FXR1: variants seen among roughly 807,000 people sequenced by gnomAD.
FXR1 encodes RNA-binding protein FXR1.
Under a neutral mutation model 84.0 loss-of-function variants are expected in FXR1, and 15 were observed. The ratio of observed to expected loss-of-function variants is 0.18; its 90% CI spans 0.12 to 0.27. The LOEUF is 0.27. Ranked by LOEUF, FXR1 falls within the 10% of genes least tolerant of loss-of-function variation. The pLI is 1.00. For synonymous variants in FXR1, 245 were observed against 250.7 expected, an observed-to-expected ratio of 0.98 and a Z score of 0.21; for missense variants, 480 against 774.4, an observed-to-expected ratio of 0.62 and a Z score of 4.51.
At chr3:180,972,775 G>T (rs1213277521) in intron 15 of FXR1, among the ~76,000 whole-genome samples, 2 of 152,098 alleles carry the variant, frequency 1.3e-5, no homozygotes, top group Admixed American at 6.5e-5. Flanking sequence ...ACTTCTTTGG[G>T]ATTACTACTT....
chr3:180,954,330 A>G (rs1360661197), intron 9 of FXR1, among the ~76,000 whole-genome samples: 3 of 152,218 alleles, frequency 2.0e-5, no homozygotes, highest in African/African-American at 7.2e-5. Flanking sequence ...AAGGCATAGA[A>G]TAATAAGAAG....
rs1714433887 is a variant in FXR1, at chr3:180,978,512, T to C, written c.*2220T>C. On this transcript the variant is annotated 3_prime_UTR_variant, in exon 17 of 17. Transcript: ENST00000357559. ...ATGTATTTGAGAGGGTTCCGTCTTT[T>C]TGGCTGCTATCCTAGTTAGGTGAGA... 1 of 152,084 alleles carries C rather than the reference T, an allele frequency of 6.6e-6. No homozygotes were observed. Among genetic ancestry groups the C allele is most frequent in the African/African-American group, 2.4e-5 (1 of 41,434 alleles). 9.4% of individuals were successfully genotyped at this position (152,084 alleles called of 1,614,324 possible).
intron 14 of FXR1, among the ~76,000 whole-genome samples, chr3:180,969,332 T>C (rs1713241608): frequency 6.6e-6 from 1 of 152,270 alleles, no homozygotes; most frequent in South Asian, 2.1e-4. Context: ...CTTAGTGTCT[T>C]TTGCAAAGAT....
intron 2 of FXR1, among the ~76,000 whole-genome samples, 184 bp from the exon 3 acceptor site, chr3:180,934,954 T>C (rs955727388): frequency 2.0e-5 from 3 of 152,180 alleles, no homozygotes; most frequent in East Asian, 3.8e-4. Context: ...TATGAACTTA[T>C]TAAGAGTCAT....
chr3:180,934,128 T>C (rs773702752), intron 2 of FXR1, among the ~76,000 whole-genome samples: 29 of 152,184 alleles, frequency 1.9e-4, no homozygotes, highest in East Asian at 3.9e-4. Flanking sequence ...GAGCACTGTT[T>C]AATTGATGGT....
intron 1 of FXR1, among the ~76,000 whole-genome samples, chr3:180,914,241 A>G (rs957883569): frequency 7.9e-5 from 12 of 152,192 alleles, no homozygotes; most frequent in South Asian, 4.1e-4. Flanking sequence ...TTTTGTTGTT[A>G]TTGAAACCTG....
intron 7 of FXR1, among the ~76,000 whole-genome samples, 189 bp from the exon 8 acceptor site, chr3:180,951,109 A>T (rs147439919): frequency 6.6e-6 from 1 of 151,752 alleles, no homozygotes; most frequent in African/African-American, 2.4e-5. Flanking sequence ...TGTATTTCCA[A>T]CTATTCAGGA....
In FXR1 at chr3:180,950,090, C is replaced by G. The variant is rs1805600; in HGVS notation, c.630+747C>G. Among the ~76,000 whole-genome samples the G allele has an allele frequency of 8.3e-3, 1,262 of 152,252 alleles. 25 individuals carry two copies. Among genetic ancestry groups the G allele is most frequent in the African/African-American group, 0.029 (1,197 of 41,548 alleles). On this transcript the variant is annotated intron_variant, in intron 7 of 16. Coordinates refer to ENST00000357559, the MANE Select transcript of FXR1 (RefSeq NM_005087.4). ...AAATATTAAGCTTATCATTATATCT[C>G]TGTCTTATCCTAAGGTACTCTGTTT...
At chr3:180,936,073 G>A (rs977713105) in intron 3 of FXR1, among the ~76,000 whole-genome samples, 2 of 151,884 alleles carry the variant, frequency 1.3e-5, no homozygotes, top group African/African-American at 4.8e-5. Context: ...TGTATTGTTA[G>A]TAGAGACGGG....
At chr3:180,938,265 C>T (rs1720744597) in intron 3 of FXR1, among the ~76,000 whole-genome samples, 1 of 152,128 alleles carries the variant, frequency 6.6e-6, no homozygotes, top group South Asian at 2.1e-4. Context: ...TTTCATCCTC[C>T]AAAAATGTCT....
intron 16 of FXR1, among the ~76,000 whole-genome samples, chr3:180,975,617 A>G (rs1479101887): frequency 6.6e-6 from 1 of 152,228 alleles, no homozygotes; most frequent in Non-Finnish European, 1.5e-5. Flanking sequence ...TTCAAATAGC[A>G]TTTATAAAAT....
intron 1 of FXR1, among the ~76,000 whole-genome samples, chr3:180,918,741 A>G (rs1184036372): frequency 6.6e-6 from 1 of 152,178 alleles, no homozygotes; most frequent in Non-Finnish European, 1.5e-5. Flanking sequence ...AATCTTTGCT[A>G]GTTTCTGTTG....
Position 180,979,540 on chromosome 3 carries a change from G to C in FXR1, c.*3248G>C, listed in dbSNP as rs1397708405. 1 of 151,840 alleles carries C rather than the reference G, an allele frequency of 6.6e-6. No individual in the cohort carries two copies. The highest frequency in any genetic ancestry group is 1.5e-5 in the Non-Finnish European group (1 of 67,914). 9.4% of individuals were successfully genotyped at this position (151,840 alleles called of 1,614,324 possible). On this transcript the variant is annotated 3_prime_UTR_variant, in exon 17 of 17. Transcript: ENST00000357559. ...AATATCTGTCTGCTATAGTGAATTTGCTAGCCCCTTATTTTTTTTTTTAAT... is the reference window on the plus strand; with the variant it reads ...AATATCTGTCTGCTATAGTGAATTTCCTAGCCCCTTATTTTTTTTTTTAAT...
chr3:180,963,136 G>A (rs990872946), intron 13 of FXR1, 46 bp downstream of exon 13: 30 of 755,424 alleles, frequency 4.0e-5, no homozygotes, highest in Non-Finnish European at 5.6e-5. Flanking sequence ...AGTAATAATA[G>A]TAGTTATAGT....
At chr3:180,948,896 C>T in intron 6 of FXR1, 82 bp downstream of exon 6, 1 of 755,998 alleles carries the variant, frequency 1.3e-6, no homozygotes. Flanking sequence ...AAGAGAAAAG[C>T]TAAGATCAAC....
Position 180,948,437 on chromosome 3 carries a change from G to A in FXR1, c.361G>A (p.Val121Ile). ...TCGGCCTGTCAATCAAAATAAAACT[G>A]TCAAAAAAAATACCTTCTTTAAATG... ...RLRPVNQNKT[V>I]KKNTFFKCTV... Residue 121 changes from valine to isoleucine, a missense_variant, in exon 5 of 17, where the codon GTC becomes ATC. By Grantham distance (29) the Val-to-Ile change is conservative. Transcript: ENST00000357559. The A allele has an allele frequency of 6.2e-7, 1 of 1,609,520 alleles. No homozygotes were observed. The highest frequency in any genetic ancestry group is 8.5e-7 in the Non-Finnish European group (1 of 1,176,094).
intron 7 of FXR1, among the ~76,000 whole-genome samples, chr3:180,950,587 G>C (rs1411840581): frequency 6.6e-6 from 1 of 151,982 alleles, no homozygotes; most frequent in African/African-American, 2.4e-5. Context: ...TCAATCTTCA[G>C]TACATCTCAT....
Position 180,912,730 on chromosome 3 carries a change from C to G in FXR1, c.45C>G (p.Phe15Leu). 1 of 1,614,040 alleles carries G rather than the reference C, an allele frequency of 6.2e-7. No individual in the cohort carries two copies. The highest frequency in any genetic ancestry group is 2.2e-5 in the East Asian group (1 of 44,864). ...TVEVRGSNGA[F>L]YKGFIKDVHE... is the part of the protein sequence containing the mutation. ...AGGTTCGCGGCTCTAACGGGGCTTT[C>G]TACAAGGTACTGACCGTTTTGCCAC... The change falls in exon 1 of 17, where the codon TTC (phenylalanine) becomes TTG (leucine). Residue 15 changes from phenylalanine (F) to leucine (L), a missense_variant. By Grantham distance (22) the Phe-to-Leu change is conservative. This residue lies in a region of FXR1 where 54 missense variants were observed against 74.2 expected (regional missense o/e 0.73). Transcript: ENST00000357559.
At chr3:180,931,590 C>G (rs926345050) in intron 1 of FXR1, among the ~76,000 whole-genome samples, 3 of 152,022 alleles carry the variant, frequency 2.0e-5, no homozygotes, top group Non-Finnish European at 4.4e-5. Flanking sequence ...ATAGAAATGT[C>G]CCGTGGCACA....
Sources: allele counts gnomAD v4.1 joint callset (sites outside exome capture counted in the v4.1 genomes callset), GRCh38; gene constraint gnomAD v4.1.1; regional missense constraint gnomAD v4.1.1; transcripts MANE v1.5; gene names NCBI Gene and HGNC (gene_info 2026-07-23, HGNC 2026-07-21).